Variants in TBC1D22B observed in about 807,000 individuals in gnomAD.
TBC1D22B encodes the protein chromosome 6 open reading frame 197.
Under a neutral mutation model 69.1 loss-of-function variants are expected in TBC1D22B, and 32 were observed. The observed-to-expected ratio is 0.46, with a 90% CI of 0.35 to 0.62. The LOEUF (loss-of-function observed/expected upper bound fraction) is 0.62. Among genes scored for constraint, TBC1D22B ranks in the 20% least tolerant of loss-of-function variants. TBC1D22B has a pLI of 0.00. For synonymous variants in TBC1D22B, 206 were observed against 229.8 expected (o/e 0.90, Z 0.94); for missense variants, 462 against 630.9 (o/e 0.73, Z 2.87).
At chr6:37,288,604 G>A (rs1300420031) in intron 7 of TBC1D22B, among the ~76,000 whole-genome samples, 1 of 152,086 alleles carries the variant, frequency 6.6e-6, no homozygotes, top group Non-Finnish European at 1.5e-5. Context: ...GCATGGTGGT[G>A]TGTGCCTGTG....
At chr6:37,299,292 A>G (rs964916136) in intron 8 of TBC1D22B, among the ~76,000 whole-genome samples, 1 of 152,046 alleles carries the variant, frequency 6.6e-6, no homozygotes, top group Admixed American at 6.6e-5. Flanking sequence ...AGCTTTTTGT[A>G]TATTAGATAA....
intron 8 of TBC1D22B, among the ~76,000 whole-genome samples, chr6:37,307,958 A>G (rs1767788027): frequency 6.6e-6 from 1 of 152,232 alleles, no homozygotes; most frequent in African/African-American, 2.4e-5. Context: ...TTTTTGAGGC[A>G]TATATTAAGC....
At chr6:37,277,297 TC>T (rs1271269856) in intron 2 of TBC1D22B, among the ~76,000 whole-genome samples, 2 of 152,172 alleles carry the variant, frequency 1.3e-5, no homozygotes, top group African/African-American at 2.4e-5. Flanking sequence ...GACAGATCTT[TC>T]TTACACAGCT....
intron 8 of TBC1D22B, among the ~76,000 whole-genome samples, chr6:37,309,333 T>C (rs113949248): frequency 2.6e-5 from 4 of 152,364 alleles, no homozygotes; most frequent in African/African-American, 9.6e-5. Context: ...GCGATGCTCC[T>C]GTTGCCCTCA....
intron 4 of TBC1D22B, among the ~76,000 whole-genome samples, 167 bp downstream of exon 4, chr6:37,282,531 A>C (rs1766868364): frequency 6.6e-6 from 1 of 152,166 alleles, no homozygotes; most frequent in Non-Finnish European, 1.5e-5. Flanking sequence ...ATGTTACTAG[A>C]GATTATGGAC....
intron 1 of TBC1D22B, among the ~76,000 whole-genome samples, chr6:37,260,607 C>G (rs1261194808): frequency 6.6e-6 from 1 of 152,120 alleles, no homozygotes; most frequent in Non-Finnish European, 1.5e-5. Flanking sequence ...TTTTCATCAT[C>G]CTGAAAAGAA....
chr6:37,322,812 C>T (rs1210971193), intron 12 of TBC1D22B, among the ~76,000 whole-genome samples: 1 of 152,152 alleles, frequency 6.6e-6, no homozygotes, highest in Non-Finnish European at 1.5e-5. Context: ...CACATAATTA[C>T]AACCCAAAAC....
intron 2 of TBC1D22B, among the ~76,000 whole-genome samples, chr6:37,276,824 G>A (rs1766685023): frequency 6.6e-6 from 1 of 152,158 alleles, no homozygotes; most frequent in Admixed American, 6.5e-5. Context: ...CGAGGAGGTG[G>A]AGGTTGCAGT....
intron 12 of TBC1D22B, among the ~76,000 whole-genome samples, chr6:37,320,690 G>A (rs924435187): frequency 8.5e-5 from 13 of 152,328 alleles, no homozygotes; most frequent in South Asian, 4.1e-4. Flanking sequence ...GGAAGGGTGC[G>A]TGCTTCTCCC....
chr6:37,267,546 T>C (rs1007074646), intron 1 of TBC1D22B, among the ~76,000 whole-genome samples: 12 of 140,606 alleles, frequency 8.5e-5, no homozygotes, highest in Non-Finnish European at 1.8e-4. Flanking sequence ...AATATATATA[T>C]ACACATATAT....
At chr6:37,306,547 C>T (rs1352281528) in intron 8 of TBC1D22B, among the ~76,000 whole-genome samples, 1 of 152,182 alleles carries the variant, frequency 6.6e-6, no homozygotes, top group African/African-American at 2.4e-5. Flanking sequence ...AACCCAAATA[C>T]TCAGAGTTTG....
Position 37,327,295 on chromosome 6 carries a change from G to A in TBC1D22B, c.1390-3749G>A, listed in dbSNP as rs1055769329. Among the ~76,000 whole-genome samples, 12 of 138,260 alleles carry A rather than the reference G, an allele frequency of 8.7e-5. 1 individual carries two copies. The highest frequency in any genetic ancestry group is 3.3e-3 in the Middle Eastern group (1 of 300). The allele number at this position is 138,260 out of a possible 152,430, so 90.7% of individuals were successfully genotyped here. A position where few individuals can be genotyped will look rare whatever the true frequency, so the allele number is the denominator to read the frequency against. On this transcript the variant is annotated intron_variant, in intron 12 of 12. Transcript: ENST00000373491. The stretch of plus-strand genomic sequence containing the variant: ...AGATCGAGACCATCCTGGCTAACAC[G>A]GTGAAACCCCGTCTCTACTAAAAAT...
chr6:37,317,779 G>C (rs1481683311), intron 12 of TBC1D22B, among the ~76,000 whole-genome samples: 2 of 152,146 alleles, frequency 1.3e-5, no homozygotes, highest in Non-Finnish European at 2.9e-5. Context: ...GCAAAGACCT[G>C]GGGAAGGTGA....
intron 1 of TBC1D22B, among the ~76,000 whole-genome samples, chr6:37,261,167 G>T (rs943700370): frequency 6.6e-6 from 1 of 152,046 alleles, no homozygotes; most frequent in African/African-American, 2.4e-5. Context: ...GGCAGGTGTG[G>T]TGGCCTGTAA....
chr6:37,308,554 C>G (rs578110905), intron 8 of TBC1D22B, among the ~76,000 whole-genome samples: 1 of 152,240 alleles, frequency 6.6e-6, no homozygotes, highest in South Asian at 2.1e-4. Context: ...ACAACAGCCC[C>G]CATTTCAGTG....
In TBC1D22B at chr6:37,290,126, A is replaced by G. The variant is rs1331791448; in HGVS notation, c.868-1117A>G. Among the ~76,000 whole-genome samples the G allele has an allele frequency of 4.6e-5, 7 of 152,102 alleles. 1 individual carries two copies. The highest frequency in any genetic ancestry group is 4.6e-4 in the Admixed American group (7 of 15,272). On this transcript the variant is annotated intron_variant, in intron 7 of 12. Transcript: ENST00000373491. ...CTAGATAACCATCTCCAAAAACCATATAACCATTTCCTGTTTGTTGGTCTC... is the reference window on the plus strand; with the variant it reads ...CTAGATAACCATCTCCAAAAACCATGTAACCATTTCCTGTTTGTTGGTCTC...
At chr6:37,300,652 G>A (rs900697955) in intron 8 of TBC1D22B, among the ~76,000 whole-genome samples, 63 of 152,026 alleles carry the variant, frequency 4.1e-4, no homozygotes, top group Non-Finnish European at 5.9e-5. Flanking sequence ...ATGAGCCACC[G>A]TGCCTGGCTA....
intron 7 of TBC1D22B, among the ~76,000 whole-genome samples, chr6:37,288,614 G>A (rs1581596245): frequency 6.6e-6 from 1 of 151,850 alleles, no homozygotes; most frequent in Non-Finnish European, 1.5e-5. Flanking sequence ...GTGTGCCTGT[G>A]CTACTGTGCC....
chr6:37,326,554 C>T (rs534589518), intron 12 of TBC1D22B, among the ~76,000 whole-genome samples: 13 of 151,738 alleles, frequency 8.6e-5, no homozygotes, highest in East Asian at 2.0e-4. Flanking sequence ...TTTGGGAGGC[C>T]GAGGTGGGCA....
Sources: allele counts gnomAD v4.1 joint callset (sites outside exome capture counted in the v4.1 genomes callset), GRCh38; gene constraint gnomAD v4.1.1; transcripts MANE v1.5; gene names NCBI Gene and HGNC (gene_info 2026-07-23, HGNC 2026-07-21).